The following DLGAP2 variants were observed in gnomAD, a reference collection of about 807,000 sequenced individuals.
DLGAP2 encodes the protein DLG associated protein 2.
DLGAP2 carries 26 observed loss-of-function variants against 100.3 expected under a neutral mutation model. The observed-to-expected ratio is 0.26, with a 90% CI of 0.19 to 0.36. DLGAP2 has a LOEUF of 0.36. Ranked by LOEUF, DLGAP2 falls within the 10% of genes least tolerant of loss-of-function variation. The pLI, the probability that DLGAP2 is intolerant of heterozygous loss-of-function variation, is 1.00. For missense variants in DLGAP2, 1,858 were observed against 1,453.2 expected, an observed-to-expected ratio of 1.28 and a Z score of -4.53; for synonymous variants, 886 against 630.1, an observed-to-expected ratio of 1.41 and a Z score of -6.08.
intron 12 of DLGAP2, among the ~76,000 whole-genome samples, chr8:1,686,909 T>G (rs967600983): frequency 6.6e-6 from 1 of 152,216 alleles, no homozygotes; most frequent in African/African-American, 2.4e-5. Context: ...ATGTTTGAGG[T>G]GATGCACGTC....
intron 3 of DLGAP2, among the ~76,000 whole-genome samples, chr8:1,290,036 C>A (rs879320980): frequency 2.0e-5 from 3 of 152,184 alleles, no homozygotes; most frequent in Non-Finnish European, 4.4e-5. Context: ...AAACTAACCA[C>A]TGTTCAGGGT....
At chr8:1,606,223 T>A (rs990485665) in intron 6 of DLGAP2, among the ~76,000 whole-genome samples, 1 of 152,198 alleles carries the variant, frequency 6.6e-6, no homozygotes, top group Non-Finnish European at 1.5e-5. Context: ...TAAAGCTAAA[T>A]AGAGTGCTCT....
intron 4 of DLGAP2, among the ~76,000 whole-genome samples, chr8:1,535,990 A>G (rs1359401127): frequency 6.6e-6 from 1 of 152,214 alleles, no homozygotes; most frequent in African/African-American, 2.4e-5. Flanking sequence ...GGCTCACCTG[A>G]GAGTCTAGTG....
At chr8:1,594,874 C>G (rs919437723) in intron 6 of DLGAP2, among the ~76,000 whole-genome samples, 3 of 152,192 alleles carry the variant, frequency 2.0e-5, no homozygotes, top group East Asian at 1.9e-4. Context: ...GCCATGCCCC[C>G]TGGGCACAGC....
intron 8 of DLGAP2, among the ~76,000 whole-genome samples, chr8:1,665,358 G>A (rs780755410): frequency 9.2e-5 from 14 of 152,156 alleles, no homozygotes; most frequent in Admixed American, 3.3e-4. Context: ...AATTTTCTGG[G>A]CAGGTCACTA....
intron 3 of DLGAP2, among the ~76,000 whole-genome samples, chr8:1,371,755 G>A (rs968533017): frequency 3.3e-5 from 5 of 152,182 alleles, no homozygotes; most frequent in African/African-American, 9.7e-5. Context: ...CGCCACTTGA[G>A]AGGGGAAGTG....
chr8:1,091,254 A>G (rs1353923263), intron 2 of DLGAP2, among the ~76,000 whole-genome samples: 1 of 152,208 alleles, frequency 6.6e-6, no homozygotes, highest in Admixed American at 6.5e-5. Context: ...GAAATTCCAG[A>G]GCGGATACTC....
Position 987,057 on chromosome 8 carries a change from A to T in DLGAP2, c.73+79091A>T, listed in dbSNP as rs1452288337. 2.6e-5 allele frequency among the ~76,000 whole-genome samples: 4 copies of T among 152,104 alleles called. No individual in the cohort carries two copies. In the South Asian group the frequency reaches 6.2e-4, roughly 24 times the overall value. ...CAAATCCCTGGTGAAATCAGGTTCG[A>T]ATTTGATTTTTTTCTGCTTCACCAA... On this transcript the variant is annotated intron_variant, in intron 2 of 14. Coordinates refer to ENST00000637795, the MANE Select transcript of DLGAP2 (RefSeq NM_001346810.2).
chr8:1,509,666 C>T (rs1378484739), intron 4 of DLGAP2, among the ~76,000 whole-genome samples: 4 of 151,830 alleles, frequency 2.6e-5, no homozygotes, highest in Non-Finnish European at 5.9e-5. Flanking sequence ...GCAATTCACC[C>T]ACCTCTCCTG....
At chr8:1,542,206 C>T (rs1285525199) in intron 4 of DLGAP2, among the ~76,000 whole-genome samples, 1 of 152,130 alleles carries the variant, frequency 6.6e-6, no homozygotes. Flanking sequence ...CTGTGTATGT[C>T]TTCCTTCATC....
chr8:1,164,702 C>A (rs533235641), intron 2 of DLGAP2, among the ~76,000 whole-genome samples: 1 of 152,154 alleles, frequency 6.6e-6, no homozygotes, highest in Non-Finnish European at 1.5e-5. Context: ...ATCGTCAGTT[C>A]TGTGAAGTTT....
intron 1 of DLGAP2, among the ~76,000 whole-genome samples, chr8:830,410 T>G (rs747537843): frequency 6.6e-6 from 1 of 152,190 alleles, no homozygotes; most frequent in Non-Finnish European, 1.5e-5. Context: ...TTCTTTCCAT[T>G]TTTTTGGACC....
rs1800225738 is a variant in DLGAP2 at position 1,297,858 on chromosome 8, GCATGAACAGACACCA to G, written c.106+38977_106+38991del. Reference sequence around the variant, plus strand: ...GAGACAGGGAGGAGAAACGTGGCAGGCATGAACAGACACCACGTGAGACAGGGAGGAGAAACGTGG... The same window carrying G: ...GAGACAGGGAGGAGAAACGTGGCAGGCGTGAGACAGGGAGGAGAAACGTGG... On this transcript the variant is annotated intron_variant, in intron 3 of 14. Coordinates refer to ENST00000637795, the MANE Select transcript of DLGAP2 (RefSeq NM_001346810.2). Among the ~76,000 whole-genome samples the G allele has an allele frequency of 8.5e-5, 5 of 59,066 alleles. 1 individual carries two copies. The highest frequency in any genetic ancestry group is 9.4e-5 in the Non-Finnish European group (3 of 31,842). The allele number at this position is 59,066 out of a possible 152,430, so 38.7% of individuals were successfully genotyped here.
intron 3 of DLGAP2, among the ~76,000 whole-genome samples, chr8:1,261,997 G>A (rs552238631): frequency 1.1e-4 from 16 of 152,280 alleles, no homozygotes; most frequent in African/African-American, 3.4e-4. Flanking sequence ...TTAGCATCTC[G>A]CTTTCTTGTC....
intron 2 of DLGAP2, among the ~76,000 whole-genome samples, chr8:1,226,617 G>A (rs1459115464): frequency 1.2e-4 from 18 of 152,076 alleles, no homozygotes; most frequent in Non-Finnish European, 2.9e-5. Flanking sequence ...TCCTGGAACT[G>A]AAAAAATAAA....
chr8:805,384 G>C (rs1796249028), intron 1 of DLGAP2, among the ~76,000 whole-genome samples: 1 of 152,050 alleles, frequency 6.6e-6, no homozygotes, highest in African/African-American at 2.4e-5. Flanking sequence ...TTTGGGGCTG[G>C]GGCTTTCTTC....
intron 2 of DLGAP2, among the ~76,000 whole-genome samples, chr8:1,040,228 C>T (rs1802293008): frequency 1.4e-5 from 2 of 146,986 alleles, no homozygotes; most frequent in Non-Finnish European, 3.0e-5. Flanking sequence ...GCATGGTCGG[C>T]TCGGTTTCTG....
chr8:768,121 T>TC (rs1821261731), intron 1 of DLGAP2, among the ~76,000 whole-genome samples: 1 of 151,944 alleles, frequency 6.6e-6, no homozygotes, highest in Non-Finnish European at 1.5e-5. Flanking sequence ...GAGATACAGG[T>TC]CCCCTCACTC....
intron 1 of DLGAP2, among the ~76,000 whole-genome samples, chr8:780,368 C>G (rs967930506): frequency 6.6e-6 from 1 of 152,336 alleles, no homozygotes; most frequent in South Asian, 2.1e-4. Context: ...GCACACACCA[C>G]GTTTTCCTTA....
Sources: allele counts gnomAD v4.1 joint callset (sites outside exome capture counted in the v4.1 genomes callset), GRCh38; gene constraint gnomAD v4.1.1; transcripts MANE v1.5; gene names NCBI Gene and HGNC (gene_info 2026-07-23, HGNC 2026-07-21).